DLG2: variants seen among roughly 807,000 people sequenced by gnomAD.
DLG2 encodes the protein disks large homolog 2.
Under a neutral mutation model 132.5 loss-of-function variants are expected in DLG2, and 45 were observed. That is an observed-to-expected ratio of 0.34 (90% confidence interval 0.27 to 0.44). The LOEUF is 0.44. Among genes scored for constraint, DLG2 ranks in the 20% least tolerant of loss-of-function variants. The pLI, the probability that DLG2 is intolerant of heterozygous loss-of-function variation, is 1.00. For synonymous variants in DLG2, 424 were observed against 419.6 expected (o/e 1.01, Z -0.13); for missense variants, 1,045 against 1,196.9 (o/e 0.87, Z 1.87).
intron 6 of DLG2, among the ~76,000 whole-genome samples, chr11:84,944,649 G>C (rs1316851274): frequency 1.4e-5 from 2 of 139,570 alleles, no homozygotes; most frequent in Non-Finnish European, 3.0e-5. Context: ...CTGTTGTCCA[G>C]GCTGGAGTGC....
intron 4 of DLG2, among the ~76,000 whole-genome samples, chr11:85,273,858 AT>A (rs1413354365): frequency 1.3e-5 from 2 of 152,218 alleles, no homozygotes; most frequent in Non-Finnish European, 2.9e-5. Flanking sequence ...ACCAACCCAA[AT>A]GTCCATCAAT....
chr11:83,559,736 T>C (rs2096578924), intron 19 of DLG2, among the ~76,000 whole-genome samples: 1 of 152,204 alleles, frequency 6.6e-6, no homozygotes, highest in Non-Finnish European at 1.5e-5. Context: ...TTCCAGAAAG[T>C]CTTCTTCAAA....
chr11:84,535,555 GA>G (rs201525802), intron 6 of DLG2, among the ~76,000 whole-genome samples: 2 of 150,980 alleles, frequency 1.3e-5, no homozygotes, highest in East Asian at 1.9e-4. Context: ...AGTTGGCAGA[GA>G]AAAAAAAAGG....
intron 15 of DLG2, among the ~76,000 whole-genome samples, chr11:83,919,245 C>T (rs2077440784): frequency 6.6e-6 from 1 of 152,104 alleles, no homozygotes; most frequent in Admixed American, 6.5e-5. Context: ...TCCAGTGTAG[C>T]TTAGGGTCTA....
chr11:84,599,019 T>A (rs1417036376), intron 6 of DLG2, among the ~76,000 whole-genome samples: 3 of 151,800 alleles, frequency 2.0e-5, no homozygotes, highest in Non-Finnish European at 2.9e-5. Flanking sequence ...CAAAGGTGGG[T>A]AGATCACCTG....
chr11:84,335,363 G>A (rs983636664), intron 7 of DLG2, among the ~76,000 whole-genome samples: 2 of 152,094 alleles, frequency 1.3e-5, no homozygotes, highest in African/African-American at 4.8e-5. Context: ...TAACAACATT[G>A]TGCTGGAGGA....
chr11:85,047,120 C>G (rs1004778923), intron 6 of DLG2, among the ~76,000 whole-genome samples: 3 of 151,856 alleles, frequency 2.0e-5, no homozygotes, highest in African/African-American at 7.3e-5. Context: ...AATTTCCCTC[C>G]AAATCTGAAA....
At chr11:84,131,640 G>T (rs764324056) in intron 9 of DLG2, among the ~76,000 whole-genome samples, 2 of 151,864 alleles carry the variant, frequency 1.3e-5, no homozygotes, top group Middle Eastern at 3.2e-3. Flanking sequence ...GGGAGATGCA[G>T]ATGGAAAGGT....
intron 6 of DLG2, among the ~76,000 whole-genome samples, chr11:85,105,824 T>G (rs1017400754): frequency 1.3e-5 from 2 of 151,942 alleles, no homozygotes; most frequent in African/African-American, 4.8e-5. Flanking sequence ...CAGAGGGTGC[T>G]GCCTTCATAG....
chr11:84,320,419 T>C (rs569039948), intron 7 of DLG2, among the ~76,000 whole-genome samples: 1 of 151,998 alleles, frequency 6.6e-6, no homozygotes, highest in East Asian at 1.9e-4. Flanking sequence ...TGCTAAAGAG[T>C]GACTGGTGAC....
intron 3 of DLG2, among the ~76,000 whole-genome samples, chr11:85,590,829 T>C (rs1447938032): frequency 6.6e-6 from 1 of 152,188 alleles, no homozygotes; most frequent in African/African-American, 2.4e-5. Context: ...TTTCACTTAT[T>C]ATGTACTTAA....
At position 84,787,590 on chromosome 11, in the gene DLG2, C is replaced by G. The variant is rs967663334; in HGVS notation, c.358-252859G>C. ...ATCTCTACCACCTCACTTAGTATGG[C>G]AATTATGCACCTATATGTGTATTTC... is the stretch of plus-strand genomic sequence containing the variant. On this transcript the variant is annotated intron_variant, in intron 6 of 27. Transcript: ENST00000376104. 7.9e-5 allele frequency among the ~76,000 whole-genome samples: 12 copies of G among 152,232 alleles called. 1 individual carries two copies. Among genetic ancestry groups the G allele is most frequent in the Admixed American group, 4.6e-4 (7 of 15,276 alleles).
At chr11:85,247,748 T>C (rs1039427657) in intron 4 of DLG2, among the ~76,000 whole-genome samples, 1 of 152,068 alleles carries the variant, frequency 6.6e-6, no homozygotes, top group African/African-American at 2.4e-5. Context: ...ACAAAGAGAC[T>C]GAAGGCTTAG....
At chr11:84,402,661 C>T (rs1455013253) in intron 7 of DLG2, among the ~76,000 whole-genome samples, 1 of 151,790 alleles carries the variant, frequency 6.6e-6, no homozygotes, top group African/African-American at 2.4e-5. Context: ...GGCGGGCGGA[C>T]CACGAGCTCA....
At chr11:84,800,164 C>A (rs1043078344) in intron 6 of DLG2, among the ~76,000 whole-genome samples, 1 of 152,110 alleles carries the variant, frequency 6.6e-6, no homozygotes, top group Non-Finnish European at 1.5e-5. Context: ...AGACCCAATA[C>A]ACAGCAACAT....
chr11:85,325,010 C>A, intron 3 of DLG2, among the ~76,000 whole-genome samples: 1 of 144,696 alleles, frequency 6.9e-6, no homozygotes, highest in Non-Finnish European at 1.5e-5. Flanking sequence ...AAAGGGGTGA[C>A]GGACGCACCT....
At chr11:84,630,172 C>G (rs1311485810) in intron 6 of DLG2, among the ~76,000 whole-genome samples, 1 of 152,166 alleles carries the variant, frequency 6.6e-6, no homozygotes, top group Non-Finnish European at 1.5e-5. Context: ...TAACGCCACC[C>G]AAGACCATCA....
At chr11:83,966,920 T>G (rs1194286911) in intron 12 of DLG2, among the ~76,000 whole-genome samples, 1 of 152,076 alleles carries the variant, frequency 6.6e-6, no homozygotes, top group African/African-American at 2.4e-5. Flanking sequence ...GTAACCACTG[T>G]TTTATCCTCT....
At chr11:84,940,677 G>C (rs2049304238) in intron 6 of DLG2, among the ~76,000 whole-genome samples, 1 of 152,076 alleles carries the variant, frequency 6.6e-6, no homozygotes, top group Admixed American at 6.5e-5. Flanking sequence ...CATTCTGTGG[G>C]TTTTCTCTTC....
Sources: allele counts gnomAD v4.1 joint callset (sites outside exome capture counted in the v4.1 genomes callset), GRCh38; gene constraint gnomAD v4.1.1; transcripts MANE v1.5; gene names NCBI Gene and HGNC (gene_info 2026-07-23, HGNC 2026-07-21).